The following MMS19 variants were observed in gnomAD, a reference collection of about 807,000 sequenced individuals.
MMS19 encodes MMS19 cytosolic iron-sulfur assembly component.
In MMS19, 77 loss-of-function variants were observed where a neutral mutation model predicts 129.8. The observed-to-expected ratio is 0.59, with a 90% CI of 0.49 to 0.72. The LOEUF is 0.72. Ranked by LOEUF, MMS19 falls within the 30% of genes least tolerant of loss-of-function variation. MMS19 has a pLI of 0.00. For synonymous variants in MMS19, 491 were observed against 502.8 expected (o/e 0.98, Z 0.31); for missense variants, 1,168 against 1,266.3 (o/e 0.92, Z 1.18).
In MMS19 at chr10:97,480,924, T is replaced by G. The variant is rs777099545; in HGVS notation, c.262+18A>C. 1 of 1,550,508 alleles carries G rather than the reference T, an allele frequency of 6.4e-7. No homozygotes were observed. The highest frequency in any genetic ancestry group is 1.4e-5 in the African/African-American group (1 of 73,726). ...GCTCAGCAATCCAGGAAGACATTCC[T>G]ATTAGTGACACCAGTACCTTCCTTC... On this transcript the variant is annotated intron_variant, in intron 3 of 30. Transcript: ENST00000438925.
chr10:97,490,952 C>A (rs1342207696), intron 1 of MMS19, among the ~76,000 whole-genome samples: 1 of 152,166 alleles, frequency 6.6e-6, no homozygotes, highest in East Asian at 1.9e-4. Context: ...GACTAACAGG[C>A]CAAACAAACC....
At chr10:97,472,478 G>A (rs896659415) in intron 8 of MMS19, among the ~76,000 whole-genome samples, 2 of 152,156 alleles carry the variant, frequency 1.3e-5, no homozygotes, top group African/African-American at 4.8e-5. Context: ...GACCTCAGGT[G>A]ATCCGCCTGC....
At chr10:97,498,460 C>G (rs1277881531), upstream of MMS19, 1 of 1,531,132 alleles carries the variant, frequency 6.5e-7, no homozygotes, top group Non-Finnish European at 8.7e-7. Context: ...GCCTCCCGAG[C>G]CAATCTCCGG....
chr10:97,477,879 G>A lies in MMS19; in HGVS notation c.399C>T (p.Ala133=), dbSNP rs2036047835. The change falls in exon 5 of 31, where the codon GCC becomes GCT. Residue 133 remains alanine, a synonymous_variant. Coordinates refer to ENST00000438925, the MANE Select transcript of MMS19 (RefSeq NM_022362.5). The part of the protein sequence containing the change: ...PPGLAVSVLK[A]IFQEVHVQSL... ...CCTGTACATGCACTTCCTGGAAGAT[G>A]GCTTTAAGCACAGAAACAGCCAGCC... is the stretch of plus-strand genomic sequence containing the variant. 5 of 1,609,622 alleles carry A rather than the reference G, an allele frequency of 3.1e-6. No homozygotes were observed. Among genetic ancestry groups the A allele is most frequent in the East Asian group, 4.5e-5 (2 of 44,812 alleles).
At chr10:97,461,774 C>CGGTGG (rs2032018762) in intron 22 of MMS19, 54 bp downstream of exon 22, 1 of 1,569,964 alleles carries the variant, frequency 6.4e-7, no homozygotes, top group Non-Finnish European at 8.6e-7. Context: ...AATTTCAGCC[C>CGGTGG]GGAGTCACCT....
intron 1 of MMS19, among the ~76,000 whole-genome samples, chr10:97,493,500 G>T (rs1169336581): frequency 2.0e-5 from 3 of 152,174 alleles, no homozygotes; most frequent in Non-Finnish European, 4.4e-5. Flanking sequence ...GAGCCCAGAA[G>T]TTCTTCGAGG....
chr10:97,478,842 G>A (rs546558378), intron 3 of MMS19, among the ~76,000 whole-genome samples: 1 of 152,158 alleles, frequency 6.6e-6, no homozygotes, highest in South Asian at 2.1e-4. Flanking sequence ...TTTTTTTAAT[G>A]TGTGACATAA....
At chr10:97,495,015 A>G (rs2039531595) in intron 1 of MMS19, among the ~76,000 whole-genome samples, 1 of 152,226 alleles carries the variant, frequency 6.6e-6, no homozygotes, top group Admixed American at 6.5e-5. Context: ...TGGTTGAGAA[A>G]TAAGTGCGTA....
At chr10:97,460,852 T>C (rs138772646) in intron 24 of MMS19, 55 bp downstream of exon 24, 2 of 1,535,388 alleles carry the variant, frequency 1.3e-6, no homozygotes, top group African/African-American at 1.4e-5. Context: ...GGACATTTTA[T>C]TTAACCAGAC....
chr10:97,477,978 C>T, intron 4 of MMS19, 49 bp from the exon 5 acceptor site: 1 of 1,286,478 alleles, frequency 7.8e-7, no homozygotes, highest in Non-Finnish European at 1.1e-6. Context: ...TGCAGCATGG[C>T]CTCCAAGACA....
At chr10:97,476,585 T>C (rs1408924315) in intron 8 of MMS19, 98 bp downstream of exon 8, 1 of 974,894 alleles carries the variant, frequency 1.0e-6, no homozygotes, top group Non-Finnish European at 1.6e-6. Flanking sequence ...GGCGGGGATG[T>C]CTATTTTGGT....
Position 97,459,423 on chromosome 10 carries a change from A to G in MMS19, c.2843T>C (p.Met948Thr), listed in dbSNP as rs1427676495. ...QPLLLEAPQV[M>T]SLHVDTLVTK... Reference sequence around the variant, plus strand: ...GACGAGGGTGTCCACGTGAAGACTCATGACTTGGGGTGCTTCCAGTAGAAG... The same window carrying G: ...GACGAGGGTGTCCACGTGAAGACTCGTGACTTGGGGTGCTTCCAGTAGAAG... The change falls in exon 28 of 31, where the codon ATG becomes ACG. Residue 948 changes from methionine to threonine, a missense_variant. Coordinates refer to ENST00000438925, the MANE Select transcript of MMS19 (RefSeq NM_022362.5). 6.2e-7 allele frequency: 1 copy of G among 1,608,918 alleles called. No homozygotes were observed. Among genetic ancestry groups the G allele is most frequent in the African/African-American group, 1.3e-5 (1 of 74,844 alleles).
At chr10:97,488,401 A>T (rs1195263712) in intron 1 of MMS19, among the ~76,000 whole-genome samples, 1 of 152,194 alleles carries the variant, frequency 6.6e-6, no homozygotes, top group Non-Finnish European at 1.5e-5. Context: ...TTCCAGGTAC[A>T]TATAGGCTTT....
intron 18 of MMS19, among the ~76,000 whole-genome samples, chr10:97,465,566 A>C (rs2033276311): frequency 6.6e-6 from 1 of 152,260 alleles, no homozygotes; most frequent in African/African-American, 2.4e-5. Flanking sequence ...CGGCCTCCCA[A>C]AGTGCTGAGA....
Position 97,460,110 on chromosome 10 carries a change from G to C in MMS19, c.2592C>G (p.Phe864Leu). 1 of 1,614,040 alleles carries C rather than the reference G, an allele frequency of 6.2e-7. No individual in the cohort carries two copies. Among genetic ancestry groups the C allele is most frequent in the Non-Finnish European group, 8.5e-7 (1 of 1,179,904 alleles). ...CATTATCTGTGAAGAACCGCTGGCG[G>C]AACATGATCCGCACTTCGGCATGGC... ...RAGHAEVRIMFRQRFFTDNVP... is the reference protein window; with the variant it reads ...RAGHAEVRIMLRQRFFTDNVP... The change falls in exon 26 of 31, where the codon TTC becomes TTG. Residue 864 changes from phenylalanine (F) to leucine (L), a missense_variant. This residue lies in a region of MMS19 where 831 missense variants were observed against 910.8 expected (regional missense o/e 0.91). Coordinates refer to ENST00000438925, the MANE Select transcript of MMS19 (RefSeq NM_022362.5).
intron 1 of MMS19, among the ~76,000 whole-genome samples, chr10:97,485,787 C>A (rs753008583): frequency 4.6e-5 from 7 of 152,164 alleles, no homozygotes; most frequent in Non-Finnish European, 1.0e-4. Flanking sequence ...TCACTTCATA[C>A]CTGCTAGGAT....
intron 2 of MMS19, among the ~76,000 whole-genome samples, chr10:97,481,984 G>A (rs1281406257): frequency 1.3e-5 from 2 of 152,138 alleles, no homozygotes; most frequent in African/African-American, 4.8e-5. Flanking sequence ...TGACCAGCCT[G>A]GGCAACATAG....
intron 2 of MMS19, among the ~76,000 whole-genome samples, chr10:97,482,919 C>T (rs540211239): frequency 1.3e-5 from 2 of 152,124 alleles, no homozygotes; most frequent in East Asian, 1.9e-4. Context: ...CGCCACCATG[C>T]CCGGCTAATT....
At chr10:97,473,436 A>G (rs1300323989) in intron 8 of MMS19, among the ~76,000 whole-genome samples, 1 of 152,062 alleles carries the variant, frequency 6.6e-6, no homozygotes, top group Non-Finnish European at 1.5e-5. Context: ...TCACTTCTTC[A>G]TACATTCTCT....
Sources: gnomAD v4.1 joint callset for allele counts (sites outside exome capture counted in the v4.1 genomes callset) on GRCh38, gnomAD v4.1.1 for gene constraint, gnomAD v4.1.1 regional missense constraint, MANE v1.5 for transcripts, NCBI Gene and HGNC (gene_info 2026-07-23, HGNC 2026-07-21) for gene names.